GIPR: variants seen among roughly 807,000 people sequenced by gnomAD.
The protein encoded by GIPR is GIP-R.
Under a neutral mutation model 62.2 loss-of-function variants are expected in GIPR, and 74 were observed. The ratio of observed to expected loss-of-function variants is 1.19; its 90% CI spans 0.99 to 1.44. GIPR has a LOEUF of 1.44. Among genes scored for constraint, GIPR ranks in the 40% most tolerant of loss-of-function variants. The pLI, the probability that GIPR is intolerant of heterozygous loss-of-function variation, is 0.00. For synonymous variants in GIPR, 256 were observed against 262.2 expected (o/e 0.98, Z 0.23); for missense variants, 664 against 611.8 (o/e 1.09, Z -0.90).
At chr19:45,674,929 T>C in intron 7 of GIPR, 103 bp downstream of exon 7, 2 of 1,205,770 alleles carry the variant, frequency 1.7e-6, no homozygotes, top group Non-Finnish European at 2.5e-6. Context: ...CCACAGTTTA[T>C]CTGAGTTGGG....
chr19:45,681,570 C>T lies in GIPR; in HGVS notation c.1153-34C>T, dbSNP rs1408011474. 4.4e-6 allele frequency: 7 copies of T among 1,602,738 alleles called. No individual in the cohort carries two copies. The Admixed American group carries it at 5.0e-5, about 11-fold the overall frequency. ...GGAGGCGGTTACAGTCCTGCCCCCA[C>T]CAGCGATGTAACCTCCGCGCCTCCT... On this transcript the variant is annotated intron_variant, in intron 12 of 13. Coordinates refer to ENST00000590918, the MANE Select transcript of GIPR (RefSeq NM_000164.4).
chr19:45,678,259 C>T (rs1967063065), intron 12 of GIPR, 33 bp downstream of exon 12: 1 of 1,544,006 alleles, frequency 6.5e-7, no homozygotes, highest in Non-Finnish European at 8.7e-7. Flanking sequence ...CTCCATCCTT[C>T]CACCCAGGGC....
intron 10 of GIPR, 31 bp downstream of exon 10, chr19:45,677,810 C>T: frequency 6.2e-7 from 1 of 1,606,366 alleles, no homozygotes; most frequent in Non-Finnish European, 8.5e-7. Context: ...ACCAGGCCGC[C>T]CTCAGGGATT....
rs1477983038 is a variant in GIPR, at chr19:45,671,267, C to A, written c.173-18C>A. On this transcript the variant is annotated intron_variant, in intron 3 of 13. Coordinates refer to ENST00000590918, the MANE Select transcript of GIPR (RefSeq NM_000164.4). ...GCAGTAGGTCCACTGGGCACCTGGC[C>A]CCCGTGCCCACCCCCAGGCCTCGCC... 6 of 1,509,770 alleles carry A rather than the reference C, an allele frequency of 4.0e-6. No individual in the cohort carries two copies. Among genetic ancestry groups the A allele is most frequent in the Non-Finnish European group, 3.7e-6 (4 of 1,088,986 alleles). 93.5% of individuals were successfully genotyped at this position (1,509,770 alleles called of 1,614,324 possible). A position where few individuals can be genotyped will look rare whatever the true frequency, so the allele number is the denominator to read the frequency against.
rs1233412228 is a variant in GIPR at position 45,682,316 on chromosome 19, GAGT to G, written c.*384_*386del. 8.8e-6 allele frequency: 2 copies of G among 226,070 alleles called. No individual in the cohort carries two copies. The highest frequency in any genetic ancestry group is 2.6e-4 in the East Asian group (2 of 7,622). 14.0% of individuals were successfully genotyped at this position (226,070 alleles called of 1,614,324 possible). A position where few individuals can be genotyped will look rare whatever the true frequency, so the allele number is the denominator to read the frequency against. ...GCAGGAAGGCGCTCAGCCTTGGCTG[GAGT>G]AGAATTAAGTCAGAGCCAACAGGTG... On this transcript the variant is annotated 3_prime_UTR_variant, in exon 14 of 14. Coordinates refer to ENST00000590918, the MANE Select transcript of GIPR (RefSeq NM_000164.4).
chr19:45,671,868 G>A (rs1364297772), intron 4 of GIPR, among the ~76,000 whole-genome samples: 3 of 151,370 alleles, frequency 2.0e-5, no homozygotes, highest in South Asian at 4.2e-4. Context: ...GTGATCCGCC[G>A]GCCTTGGCTT....
intron 4 of GIPR, 64 bp downstream of exon 4, chr19:45,671,456 G>A (rs889671652): frequency 1.6e-5 from 16 of 998,128 alleles, no homozygotes; most frequent in East Asian, 4.7e-5. Flanking sequence ...TTTGCCCCCA[G>A]ACACCTACAT....
At chr19:45,671,598 T>G (rs1290763095) in intron 4 of GIPR, among the ~76,000 whole-genome samples, 1 of 152,110 alleles carries the variant, frequency 6.6e-6, no homozygotes, top group Non-Finnish European at 1.5e-5. Context: ...TCTCCGTATC[T>G]CTTTCTATTT....
chr19:45,674,812 G>T lies in GIPR; in HGVS notation c.619G>T (p.Ala207Ser), dbSNP rs1247193840. The T allele has an allele frequency of 1.9e-6, 3 of 1,613,864 alleles. No homozygotes were observed. In the East Asian group the frequency reaches 6.7e-5, roughly 36 times the overall value. Residue 207 changes from alanine to serine, a missense_variant, in exon 7 of 14, where the codon GCG (alanine) becomes TCG (serine). Physicochemically the swap from Ala to Ser is moderately conservative, Grantham distance 99. Coordinates refer to ENST00000590918, the MANE Select transcript of GIPR (RefSeq NM_000164.4). ...PGPYLGDQAL[A>S]LWNQALAACR... ...CCCCTACCTTGGGGACCAGGCCCTT[G>T]CGCTGTGGAACCAGGTGGGCATCCT... is the stretch of plus-strand genomic sequence containing the variant.
At position 45,677,010 on chromosome 19, in the gene GIPR, C is replaced by T. The variant is rs78464711; in HGVS notation, c.695C>T (p.Thr232Met). ...CAGTACTGCGTGGGTGCCAACTACACGTGGCTGCTGGTGGAGGGCGTCTAC... is the reference window on the plus strand; with the variant it reads ...CAGTACTGCGTGGGTGCCAACTACATGTGGCTGCTGGTGGAGGGCGTCTAC... ...VTQYCVGANY[T>M]WLLVEGVYLH... is the part of the protein sequence containing the mutation. Residue 232 changes from threonine (T) to methionine (M), a missense_variant, in exon 8 of 14, where the codon ACG (threonine) becomes ATG (methionine). By Grantham distance (81) the Thr-to-Met change is moderately conservative (BLOSUM62 -1). Transcript: ENST00000590918. 1.9e-6 allele frequency: 3 copies of T among 1,613,976 alleles called. No individual in the cohort carries two copies. Among genetic ancestry groups the T allele is most frequent in the South Asian group, 1.1e-5 (1 of 91,076 alleles).
In GIPR at chr19:45,671,395, G is replaced by A; in HGVS notation, c.280+3G>A. On this transcript the variant is annotated splice_donor_region_variant and intron_variant, in intron 4 of 13. Transcript: ENST00000590918. ...GTACCTGCCCTGGCACCACCATGGT[G>A]AGGTGCTCCCTGGGCCCGGAGCCCT... 2 of 1,585,658 alleles carry A rather than the reference G, an allele frequency of 1.3e-6. No homozygotes were observed. The highest frequency in any genetic ancestry group is 1.1e-5 in the South Asian group (1 of 90,640).
chr19:45,669,980 AAG>A (rs1196722756), intron 2 of GIPR, among the ~76,000 whole-genome samples: 2 of 151,496 alleles, frequency 1.3e-5, no homozygotes, highest in East Asian at 3.9e-4. Context: ...CCTCAGCGCA[AAG>A]AGAGTTTCAA....
chr19:45,678,947 C>T (rs1226977457), intron 12 of GIPR, among the ~76,000 whole-genome samples: 2 of 152,226 alleles, frequency 1.3e-5, no homozygotes, highest in African/African-American at 4.8e-5. Flanking sequence ...GCCCACCTTA[C>T]ACTTGCTTGG....
At position 45,675,154 on chromosome 19, in the gene GIPR, A is replaced by G. The variant is rs560978966; in HGVS notation, c.633+328A>G. 45 of 348,814 alleles carry G rather than the reference A, an allele frequency of 1.3e-4. No individual in the cohort carries two copies. The East Asian group carries it at 3.5e-3, about 27-fold the overall frequency. 21.6% of individuals were successfully genotyped at this position (348,814 alleles called of 1,614,324 possible). ...GCGGTGAGGCATGGCAGGATACGAG[A>G]AAGTAAGTGGGGGTGGGGATGTGGC... is the stretch of plus-strand genomic sequence containing the variant. On this transcript the variant is annotated intron_variant, in intron 7 of 13. Transcript: ENST00000590918.
Position 45,678,361 on chromosome 19 carries a change from A to C in GIPR, c.1152+135A>C, listed in dbSNP as rs1035366425. ...ATGGGATTTAGTTCGTTCATTAATT[A>C]ATTCATTCTTTTTTTTTTTTGAGAC... On this transcript the variant is annotated intron_variant, in intron 12 of 13. Coordinates refer to ENST00000590918, the MANE Select transcript of GIPR (RefSeq NM_000164.4). The C allele has an allele frequency of 6.7e-6, 7 of 1,039,412 alleles. No homozygotes were observed. In the Admixed American group the frequency reaches 1.3e-4, roughly 20 times the overall value. The allele number at this position is 1,039,412 out of a possible 1,614,324, so 64.4% of individuals were successfully genotyped here. A position where few individuals can be genotyped will look rare whatever the true frequency, so the allele number is the denominator to read the frequency against.
chr19:45,671,814 G>T (rs1250391004), intron 4 of GIPR, among the ~76,000 whole-genome samples: 2 of 151,216 alleles, frequency 1.3e-5, no homozygotes, highest in Non-Finnish European at 1.5e-5. Context: ...TACAGACAGG[G>T]TTTCACCATG....
chr19:45,676,507 C>T (rs1463870312), intron 7 of GIPR, among the ~76,000 whole-genome samples: 4 of 137,618 alleles, frequency 2.9e-5, no homozygotes, highest in Non-Finnish European at 6.1e-5. Context: ...AATCTCGGCT[C>T]ACCGCAACCT....
Position 45,671,396 on chromosome 19 carries a change from A to C in GIPR, c.280+4A>C, listed in dbSNP as rs1274818659. The C allele has an allele frequency of 6.3e-7, 1 of 1,576,090 alleles. No individual in the cohort carries two copies. Among genetic ancestry groups the C allele is most frequent in the African/African-American group, 1.3e-5 (1 of 74,316 alleles). On this transcript the variant is annotated splice_donor_region_variant and intron_variant, in intron 4 of 13. Transcript: ENST00000590918. ...TACCTGCCCTGGCACCACCATGGTG[A>C]GGTGCTCCCTGGGCCCGGAGCCCTC...
rs777488411 is a variant in GIPR at position 45,669,602 on chromosome 19, C to T, written c.72+10C>T. 34 of 1,573,554 alleles carry T rather than the reference C, an allele frequency of 2.2e-5. No homozygotes were observed. In the South Asian group the frequency reaches 3.8e-4, roughly 18 times the overall value. ...GCTCCAGAGGGCGGAGGTGAGGAAG[C>T]GAGGAGCCAGAGGAGCTCCAGGCTT... On this transcript the variant is annotated intron_variant, in intron 2 of 13. Coordinates refer to ENST00000590918, the MANE Select transcript of GIPR (RefSeq NM_000164.4).
Sources: gnomAD v4.1 joint callset for allele counts (sites outside exome capture counted in the v4.1 genomes callset) on GRCh38, gnomAD v4.1.1 for gene constraint, MANE v1.5 for transcripts, NCBI Gene and HGNC (gene_info 2026-07-23, HGNC 2026-07-21) for gene names.